Variants in VIPR2 observed in about 807,000 individuals in gnomAD.
VIPR2 encodes the protein vasoactive intestinal peptide receptor 2.
In VIPR2, 48 loss-of-function variants were observed where a neutral mutation model predicts 58.0. The ratio of observed to expected loss-of-function variants is 0.83; its 90% confidence interval spans 0.66 to 1.05. The LOEUF (loss-of-function observed/expected upper bound fraction) is 1.05, where lower values mean the gene tolerates loss of function less well. Ranked by LOEUF, VIPR2 falls within the 50% of genes least tolerant of loss-of-function variation. VIPR2 has a pLI of 0.00. For synonymous variants in VIPR2, 243 were observed against 235.2 expected (o/e 1.03, Z -0.30); for missense variants, 534 against 558.0 (o/e 0.96, Z 0.43).
chr7:159,034,169 A>T (rs1174732103), intron 10 of VIPR2, 44 bp downstream of exon 10: 1 of 1,595,168 alleles, frequency 6.3e-7, no homozygotes, highest in Non-Finnish European at 8.6e-7. Context: ...CTGTCTCCAC[A>T]CGGCATCCCC....
intron 4 of VIPR2, among the ~76,000 whole-genome samples, chr7:159,064,795 G>A (rs1012847316): frequency 6.6e-6 from 1 of 152,218 alleles, no homozygotes; most frequent in Non-Finnish European, 1.5e-5. Context: ...ACAGCTGTGT[G>A]CTGGGGCACC....
chr7:159,137,431 GT>G (rs1322209731), intron 2 of VIPR2, among the ~76,000 whole-genome samples: 4 of 152,126 alleles, frequency 2.6e-5, no homozygotes, highest in Non-Finnish European at 4.4e-5. Context: ...CCAGGCTGGA[GT>G]GCAGTGGTGC....
At chr7:159,045,420 C>A (rs1854585071) in intron 5 of VIPR2, among the ~76,000 whole-genome samples, 1 of 152,146 alleles carries the variant, frequency 6.6e-6, no homozygotes. Flanking sequence ...CAGAAATAAA[C>A]CTACACATCT....
At chr7:159,071,755 G>A (rs1483215238) in intron 4 of VIPR2, among the ~76,000 whole-genome samples, 1 of 152,258 alleles carries the variant, frequency 6.6e-6, no homozygotes, top group African/African-American at 2.4e-5. Context: ...CAGCATGGCC[G>A]GGAACCCTGC....
chr7:159,060,479 T>C (rs1423337111), intron 4 of VIPR2, among the ~76,000 whole-genome samples: 1 of 152,030 alleles, frequency 6.6e-6, no homozygotes, highest in Non-Finnish European at 1.5e-5. Context: ...TCACTTCGCT[T>C]ACCCACCATA....
rs563914456 is a variant in VIPR2 at position 159,097,286 on chromosome 7, C to T, written c.357+6471G>A. On this transcript the variant is annotated intron_variant, in intron 4 of 12. Coordinates refer to ENST00000262178, the MANE Select transcript of VIPR2 (RefSeq NM_003382.5). The surrounding 1 kb of genome is among the most constrained non-coding windows in gnomAD (Gnocchi z 5.3). ...TTATTTTTAGGGATGTGGCGTAACA[C>T]GGAAGAAATGTGTGCACTTGAAGCA... The T allele has an allele frequency of 6.8e-5, 92 of 1,351,544 alleles. No individual in the cohort carries two copies. In the African/African-American group the frequency reaches 1.1e-3, roughly 16 times the overall value. 83.7% of individuals were successfully genotyped at this position (1,351,544 alleles called of 1,614,324 possible). A position where few individuals can be genotyped will look rare whatever the true frequency, so the allele number is the denominator to read the frequency against.
At chr7:159,103,929 G>A (rs1858459385) in intron 3 of VIPR2, 75 bp from the exon 4 acceptor site, 10 of 1,312,156 alleles carry the variant, frequency 7.6e-6, no homozygotes, top group Non-Finnish European at 8.7e-6. Context: ...AGTCCGTGCT[G>A]AGCCCGTGCT....
At chr7:159,058,978 G>A (rs1855482053) in intron 4 of VIPR2, among the ~76,000 whole-genome samples, 1 of 152,236 alleles carries the variant, frequency 6.6e-6, no homozygotes. Flanking sequence ...ACAGGTCTGA[G>A]TGTGTTAAAC....
chr7:159,101,547 C>CGA (rs1858240039), intron 4 of VIPR2, among the ~76,000 whole-genome samples: 2 of 123,922 alleles, frequency 1.6e-5, no homozygotes, highest in African/African-American at 6.6e-5. Context: ...GAGGCGGTTC[C>CGA]CCTGACTGTT....
rs1245030003 is a variant in VIPR2, at chr7:159,099,088, A to G, written c.357+4669T>C. 6.6e-6 allele frequency among the ~76,000 whole-genome samples: 1 copy of G among 152,238 alleles called. No individual in the cohort carries two copies. The highest frequency in any genetic ancestry group is 1.9e-4 in the East Asian group (1 of 5,194). On this transcript the variant is annotated intron_variant, in intron 4 of 12. Transcript: ENST00000262178. This position sits in a 1 kb window ranked among gnomAD's most constrained non-coding sequence, Gnocchi z 4.2. ...TTGGAAGCGAGTCCCTAAACCAACC[A>G]AGTATTCAAAGTATTCAACGAGCAG... is the stretch of plus-strand genomic sequence containing the variant.
intron 5 of VIPR2, among the ~76,000 whole-genome samples, chr7:159,051,991 A>G (rs1855037675): frequency 6.6e-6 from 1 of 152,220 alleles, no homozygotes; most frequent in Admixed American, 6.5e-5. Flanking sequence ...GGAATAATTA[A>G]ATAACATTGA....
chr7:159,135,523 T>A (rs577354646), intron 2 of VIPR2, among the ~76,000 whole-genome samples: 1 of 151,714 alleles, frequency 6.6e-6, no homozygotes, highest in Non-Finnish European at 1.5e-5. Context: ...TGCTGAAAAA[T>A]GTTAATAAAT....
At chr7:159,041,138 T>C (rs2129493342) in intron 6 of VIPR2, among the ~76,000 whole-genome samples, 1 of 152,342 alleles carries the variant, frequency 6.6e-6, no homozygotes, top group South Asian at 2.1e-4. Context: ...ATGGGGCAAC[T>C]GCTCTTCTGA....
At chr7:159,075,909 G>A (rs549345881) in intron 4 of VIPR2, among the ~76,000 whole-genome samples, 5 of 152,262 alleles carry the variant, frequency 3.3e-5, no homozygotes, top group South Asian at 4.1e-4. Flanking sequence ...AGGACCTACT[G>A]CATTTACTGC....
At chr7:159,055,494 C>T (rs147613068) in intron 5 of VIPR2, among the ~76,000 whole-genome samples, 12 of 152,100 alleles carry the variant, frequency 7.9e-5, no homozygotes, top group African/African-American at 2.7e-4. Flanking sequence ...TGAATTTTCT[C>T]GGTGTCTTGG....
chr7:159,118,544 C>T (rs1017187442), intron 2 of VIPR2, among the ~76,000 whole-genome samples: 20 of 152,082 alleles, frequency 1.3e-4, no homozygotes, highest in African/African-American at 3.4e-4. Flanking sequence ...TGGGTGTTTA[C>T]GGTGAATGAG....
rs369280236 is a variant in VIPR2 at position 159,039,694 on chromosome 7, C to A, written c.598-2792G>T. Among the ~76,000 whole-genome samples the A allele has an allele frequency of 4.5e-4, 69 of 152,228 alleles. 4 individuals are homozygous for A. The South Asian group carries it at 0.014, about 30-fold the overall frequency. ...ACGTGAGGACACAGAGAAGTCAGACCCGAATCTGGTGGTGCCTCGGTCTCA... is the reference window on the plus strand; with the variant it reads ...ACGTGAGGACACAGAGAAGTCAGACACGAATCTGGTGGTGCCTCGGTCTCA... On this transcript the variant is annotated intron_variant, in intron 6 of 12. Transcript: ENST00000262178.
At chr7:159,055,395 G>A (rs1855256492) in intron 5 of VIPR2, among the ~76,000 whole-genome samples, 3 of 152,138 alleles carry the variant, frequency 2.0e-5, no homozygotes, top group Admixed American at 2.0e-4. Flanking sequence ...TGGTAAACAT[G>A]CATTCTGAAC....
Position 159,093,210 on chromosome 7 carries a change from T to A in VIPR2, c.357+10547A>T, listed in dbSNP as rs1392632385. Among the ~76,000 whole-genome samples the A allele has an allele frequency of 6.6e-6, 1 of 152,218 alleles. No homozygotes were observed. The highest frequency in any genetic ancestry group is 1.5e-5 in the Non-Finnish European group (1 of 68,040). ...AAGGTGAGAGGTAAACGTCATTATA[T>A]TTTTAAAAACACTGTAGACTTTGAG... On this transcript the variant is annotated intron_variant, in intron 4 of 12. Transcript: ENST00000262178. This position sits in a 1 kb window ranked among gnomAD's most constrained non-coding sequence, Gnocchi z 6.7.
Sources: allele counts gnomAD v4.1 joint callset (sites outside exome capture counted in the v4.1 genomes callset), GRCh38; gene constraint gnomAD v4.1.1; non-coding constraint Gnocchi (gnomAD v3.1); transcripts MANE v1.5; gene names NCBI Gene and HGNC (gene_info 2026-07-23, HGNC 2026-07-21).